The following CYP51A1 variants were observed in gnomAD, a reference collection of about 807,000 sequenced individuals.
CYP51A1 encodes the protein lanosterol 14-alpha demethylase.
A neutral mutation model predicts 53.5 loss-of-function variants in CYP51A1; 45 were observed. The observed-to-expected ratio is 0.84, with a 90% CI of 0.66 to 1.08. The LOEUF is 1.08. CYP51A1 is among the 50% of genes least tolerant of loss of function. The pLI is 0.00. For missense variants in CYP51A1, 462 were observed against 621.7 expected (o/e 0.74, Z 2.73); for synonymous variants, 181 against 217.7 (o/e 0.83, Z 1.48).
At chr7:92,133,365 G>C (rs561045530) in intron 1 of CYP51A1, among the ~76,000 whole-genome samples, 2 of 151,486 alleles carry the variant, frequency 1.3e-5, no homozygotes, top group South Asian at 2.1e-4. Flanking sequence ...AGTGATTCTC[G>C]GGCCTCAGCT....
intron 1 of CYP51A1, 69 bp from the exon 2 acceptor site, chr7:92,131,941 T>A (rs1402772080): frequency 1.0e-6 from 1 of 956,418 alleles, no homozygotes; most frequent in Admixed American, 1.8e-5. Flanking sequence ...TTTCGTTTCA[T>A]GACCAAACAA....
In CYP51A1 at chr7:92,131,581, G is replaced by A. The variant is rs544210851; in HGVS notation, c.291+193C>T. Among the ~76,000 whole-genome samples the A allele has an allele frequency of 2.6e-5, 4 of 152,264 alleles. No homozygotes were observed. In the East Asian group the frequency reaches 7.7e-4, roughly 29 times the overall value. On this transcript the variant is annotated intron_variant, in intron 2 of 9. Coordinates refer to ENST00000003100, the MANE Select transcript of CYP51A1 (RefSeq NM_000786.4). ...TGTCTCAAAGACGACCCCAGGACAT[G>A]GGAAAAGCTAAAAGGATAGGTATCT...
chr7:92,116,456 T>C (rs1819580850), intron 9 of CYP51A1, among the ~76,000 whole-genome samples: 1 of 152,188 alleles, frequency 6.6e-6, no homozygotes, highest in Admixed American at 6.5e-5. Flanking sequence ...GCATAGAATA[T>C]AGTTTAATCA....
intron 5 of CYP51A1, among the ~76,000 whole-genome samples, chr7:92,125,144 C>CAAAA (rs1232943204): frequency 1.6e-4 from 11 of 67,088 alleles, no homozygotes; most frequent in South Asian, 5.3e-4. Context: ...ACTCCATCAC[C>CAAAA]AAAAAAAAAA....
rs1222533210 is a variant in CYP51A1, at chr7:92,112,195, C to A, written c.*1470G>T. On this transcript the variant is annotated 3_prime_UTR_variant, in exon 10 of 10. Coordinates refer to ENST00000003100, the MANE Select transcript of CYP51A1 (RefSeq NM_000786.4). ...TTAATCTGAAAAATTAGCAGAGATT[C>A]TGCCTTCACAATTAGAGTTTAACAT... The A allele has an allele frequency of 6.6e-6, 1 of 152,166 alleles. No homozygotes were observed. Among genetic ancestry groups the A allele is most frequent in the East Asian group, 1.9e-4 (1 of 5,194 alleles). 9.4% of individuals were successfully genotyped at this position (152,166 alleles called of 1,614,324 possible).
chr7:92,131,061 T>C (rs1352113327), intron 2 of CYP51A1, among the ~76,000 whole-genome samples: 1 of 151,628 alleles, frequency 6.6e-6, no homozygotes, highest in Non-Finnish European at 1.5e-5. Flanking sequence ...TTGCCAAGAG[T>C]GTAACAGAAA....
intron 4 of CYP51A1, among the ~76,000 whole-genome samples, chr7:92,127,271 T>C (rs1239948602): frequency 6.6e-6 from 1 of 152,200 alleles, no homozygotes; most frequent in Non-Finnish European, 1.5e-5. Flanking sequence ...AGATGTTGCT[T>C]CCTACTATGG....
At position 92,134,166 on chromosome 7, in the gene CYP51A1, T is replaced by C; in HGVS notation, c.192+7A>G. 1.2e-6 allele frequency: 2 copies of C among 1,611,170 alleles called. No homozygotes were observed. The highest frequency in any genetic ancestry group is 1.7e-6 in the Non-Finnish European group (2 of 1,179,548). On this transcript the variant is annotated splice_region_variant and intron_variant, in intron 1 of 9. Coordinates refer to ENST00000003100, the MANE Select transcript of CYP51A1 (RefSeq NM_000786.4). ...CGCCCCACTCAGACCCTAAAGAATG[T>C]ACGTACCACCCCTGCGGGCAGCTGG...
At chr7:92,116,763 A>G (rs187497846) in intron 9 of CYP51A1, among the ~76,000 whole-genome samples, 4 of 152,344 alleles carry the variant, frequency 2.6e-5, no homozygotes, top group African/African-American at 9.6e-5. Flanking sequence ...TTTAAATACC[A>G]TTGTAAGGGA....
At chr7:92,116,634 C>A (rs1819583908) in intron 9 of CYP51A1, among the ~76,000 whole-genome samples, 1 of 152,152 alleles carries the variant, frequency 6.6e-6, no homozygotes, top group South Asian at 2.1e-4. Context: ...GACTAACGAT[C>A]GAGAAGAGCT....
intron 7 of CYP51A1, among the ~76,000 whole-genome samples, chr7:92,121,207 G>A (rs752670139): frequency 5.9e-5 from 9 of 151,792 alleles, no homozygotes; most frequent in Non-Finnish European, 8.8e-5. Flanking sequence ...GCTTGAACCT[G>A]GGAAGCCGAG....
At chr7:92,121,127 CA>C (rs1819683609) in intron 7 of CYP51A1, among the ~76,000 whole-genome samples, 1 of 151,842 alleles carries the variant, frequency 6.6e-6, no homozygotes, top group African/African-American at 2.4e-5. Context: ...TTGTCTCTAC[CA>C]AAAATACAAA....
chr7:92,120,868 A>G (rs1380431577), intron 7 of CYP51A1, among the ~76,000 whole-genome samples: 3 of 152,226 alleles, frequency 2.0e-5, no homozygotes, highest in African/African-American at 7.2e-5. Context: ...ACTCAATAAT[A>G]AAAAGACAAC....
chr7:92,128,457 C>CGTGT (rs1443827496), intron 3 of CYP51A1, among the ~76,000 whole-genome samples: 2 of 135,472 alleles, frequency 1.5e-5, no homozygotes, highest in African/African-American at 5.7e-5. Context: ...TGTGTGTGTG[C>CGTGT]GCGTGCGTGT....
chr7:92,126,351 T>C lies in CYP51A1; in HGVS notation c.672A>G (p.Gln224=), dbSNP rs1443227501. 1.9e-6 allele frequency: 3 copies of C among 1,613,400 alleles called. No individual in the cohort carries two copies. In the East Asian group the frequency reaches 6.7e-5, roughly 36 times the overall value. ...ACAGCTGTGCTACCTTTTCATTGAG[T>C]TGACTTCTGATTTCCTTTCCATGCA... ...HCLHGKEIRS[Q]LNEKVAQLYA... Residue 224 remains glutamine (Q), a synonymous_variant, in exon 5 of 10, where the codon CAA becomes CAG. Transcript: ENST00000003100.
At chr7:92,115,042 T>G (rs530668801) in intron 9 of CYP51A1, among the ~76,000 whole-genome samples, 1 of 152,316 alleles carries the variant, frequency 6.6e-6, no homozygotes, top group South Asian at 2.1e-4. Flanking sequence ...TCCAAGGATT[T>G]AATCGCAACA....
chr7:92,129,105 C>T (rs1365576878), intron 2 of CYP51A1, 49 bp from the exon 3 acceptor site: 2 of 1,258,858 alleles, frequency 1.6e-6, no homozygotes, highest in Non-Finnish European at 2.2e-6. Context: ...ATATGCAACA[C>T]TACGACAGTA....
chr7:92,120,670 T>G (rs1382579343), intron 7 of CYP51A1, among the ~76,000 whole-genome samples: 1 of 152,124 alleles, frequency 6.6e-6, no homozygotes, highest in Admixed American at 6.5e-5. Context: ...GATAAACACA[T>G]GCAAAAGAAT....
chr7:92,118,409 C>G, intron 8 of CYP51A1, 111 bp downstream of exon 8: 1 of 728,336 alleles, frequency 1.4e-6, no homozygotes, highest in Non-Finnish European at 2.5e-6. Context: ...ATCCTCCCAC[C>G]TCAGCCTCCC....
Sources: gnomAD v4.1 joint callset for allele counts (sites outside exome capture counted in the v4.1 genomes callset) on GRCh38, gnomAD v4.1.1 for gene constraint, MANE v1.5 for transcripts, NCBI Gene and HGNC (gene_info 2026-07-23, HGNC 2026-07-21) for gene names.